STK32B: variants seen among roughly 807,000 people sequenced by gnomAD.
STK32B encodes the protein serine/threonine kinase 32B.
STK32B carries 43 observed loss-of-function variants against 52.6 expected under a neutral mutation model. That is an observed-to-expected ratio of 0.82 (90% CI 0.64 to 1.05). The LOEUF (loss-of-function observed/expected upper bound fraction) is 1.05, where lower values mean the gene tolerates loss of function less well. STK32B is among the 50% of genes least tolerant of loss of function. The probability of loss-of-function intolerance (pLI) is 0.00; values close to 1 mark genes in which losing one functional copy is unlikely to be tolerated. For synonymous variants in STK32B, 238 were observed against 204.3 expected (o/e 1.17, Z -1.41); for missense variants, 621 against 534.6 (o/e 1.16, Z -1.59).
rs1020757377 is a variant in STK32B, at chr4:5,453,841, G to T, written c.667-2966G>T. On this transcript the variant is annotated intron_variant, in intron 7 of 11. Transcript: ENST00000282908. The surrounding 1 kb of genome is among the most constrained non-coding windows in gnomAD (Gnocchi z 4.0). ...AATCGCTTGAACCTGGCAGGTGGAGGTTGCAGTGAGCCGAGATCATACCAT... is the reference window on the plus strand; with the variant it reads ...AATCGCTTGAACCTGGCAGGTGGAGTTTGCAGTGAGCCGAGATCATACCAT... Among the ~76,000 whole-genome samples the T allele has an allele frequency of 2.0e-5, 3 of 152,058 alleles. No homozygotes were observed. The highest frequency in any genetic ancestry group is 7.2e-5 in the African/African-American group (3 of 41,390).
At chr4:5,317,270 A>T (rs1458117131) in intron 3 of STK32B, among the ~76,000 whole-genome samples, 42 of 29,360 alleles carry the variant, frequency 1.4e-3, no homozygotes, top group East Asian at 3.3e-3. Context: ...ACATATATAT[A>T]ATATATAACA....
At chr4:5,239,534 G>C (rs542347253) in intron 3 of STK32B, among the ~76,000 whole-genome samples, 1 of 152,202 alleles carries the variant, frequency 6.6e-6, no homozygotes, top group East Asian at 1.9e-4. Flanking sequence ...AAGCATGCGG[G>C]AGATGCTGGG....
At chr4:5,367,672 G>A (rs912038826) in intron 4 of STK32B, among the ~76,000 whole-genome samples, 3 of 152,080 alleles carry the variant, frequency 2.0e-5, no homozygotes, top group South Asian at 2.1e-4. Flanking sequence ...AAGAATGTGC[G>A]CATGGCCAGT....
intron 11 of STK32B, among the ~76,000 whole-genome samples, chr4:5,479,614 TG>T (rs1001519327): frequency 3.9e-5 from 6 of 152,144 alleles, no homozygotes; most frequent in Non-Finnish European, 8.8e-5. Context: ...TATTCCCAGA[TG>T]GGATGGGCTG....
chr4:5,313,232 T>C (rs1018320189), intron 3 of STK32B, among the ~76,000 whole-genome samples: 1 of 151,948 alleles, frequency 6.6e-6, no homozygotes, highest in African/African-American at 2.4e-5. Flanking sequence ...AGTTCGATAT[T>C]TTTAAGGCAG....
In STK32B at chr4:5,099,457, C is replaced by T. The variant is rs5855837; in HGVS notation, c.53-40448C>T. The stretch of plus-strand genomic sequence containing the variant: ...CTGTGTGTGTGTGTGTGTGCGCGCG[C>T]GCGTATGTGATGTGTTCACAACTAA... On this transcript the variant is annotated intron_variant, in intron 1 of 11. Transcript: ENST00000282908. 3.6e-3 allele frequency among the ~76,000 whole-genome samples: 524 copies of T among 146,266 alleles called. 8 individuals are homozygous for T. The highest frequency in any genetic ancestry group is 0.014 in the African/African-American group (506 of 37,472).
intron 2 of STK32B, among the ~76,000 whole-genome samples, chr4:5,166,120 G>C (rs573108032): frequency 2.8e-5 from 4 of 144,120 alleles, no homozygotes; most frequent in African/African-American, 9.7e-5. Context: ...GAGCTGAGTG[G>C]GGTCAATTTC....
At chr4:5,045,610 T>A in the STK32B span, among the ~76,000 whole-genome samples, 2 of 152,200 alleles carry the variant, frequency 1.3e-5, no homozygotes, top group Non-Finnish European at 2.9e-5. Flanking sequence ...TTGTAGTTCT[T>A]CTTGAAGAGA....
At chr4:5,222,700 CTTAA>C (rs1037087382) in intron 3 of STK32B, among the ~76,000 whole-genome samples, 1 of 152,108 alleles carries the variant, frequency 6.6e-6, no homozygotes, top group African/African-American at 2.4e-5. Flanking sequence ...GATAACTTCT[CTTAA>C]TTGATTATAA....
rs1018561787 is a variant in STK32B at position 5,396,259 on chromosome 4, G to C, written c.435-1948G>C. Among the ~76,000 whole-genome samples, 2 of 152,158 alleles carry C rather than the reference G, an allele frequency of 1.3e-5. No homozygotes were observed. The highest frequency in any genetic ancestry group is 2.9e-5 in the Non-Finnish European group (2 of 68,030). ...GTTCCAGCTCCAGGTGGCTCCAGGCGTTTCTGGTTCATGGCTGCATCACTC... is the reference window on the plus strand; with the variant it reads ...GTTCCAGCTCCAGGTGGCTCCAGGCCTTTCTGGTTCATGGCTGCATCACTC... On this transcript the variant is annotated intron_variant, in intron 4 of 11. Coordinates refer to ENST00000282908, the MANE Select transcript of STK32B (RefSeq NM_018401.3). The surrounding 1 kb of genome is among the most constrained non-coding windows in gnomAD (Gnocchi z 4.7).
At chr4:5,295,500 G>A (rs775008258) in intron 3 of STK32B, among the ~76,000 whole-genome samples, 22 of 152,088 alleles carry the variant, frequency 1.4e-4, no homozygotes, top group Non-Finnish European at 3.1e-4. Flanking sequence ...GTTTTGTCTT[G>A]GGAGGGTGTG....
chr4:5,225,235 T>C (rs1459700393), intron 3 of STK32B, among the ~76,000 whole-genome samples: 1 of 151,962 alleles, frequency 6.6e-6, no homozygotes, highest in East Asian at 1.9e-4. Flanking sequence ...CCTAGCTAGC[T>C]TGGCAAAACC....
chr4:5,064,864 T>C (rs1411732309), intron 1 of STK32B, among the ~76,000 whole-genome samples: 1 of 144,840 alleles, frequency 6.9e-6, no homozygotes, highest in Non-Finnish European at 1.5e-5. Flanking sequence ...AATTATATAA[T>C]ATATAAAAAT....
intron 2 of STK32B, among the ~76,000 whole-genome samples, chr4:5,142,048 G>C (rs1212792433): frequency 6.6e-6 from 1 of 152,136 alleles, no homozygotes; most frequent in African/African-American, 2.4e-5. Context: ...TCTTCAGCCT[G>C]TAGCTGGGAG....
chr4:5,383,981 A>T (rs1190235249), intron 4 of STK32B, among the ~76,000 whole-genome samples: 18 of 152,124 alleles, frequency 1.2e-4, no homozygotes, highest in Admixed American at 1.2e-3. Flanking sequence ...GGTGATAGGG[A>T]GCGCTGGGGA....
At chr4:5,069,040 T>C (rs1711596400) in intron 1 of STK32B, among the ~76,000 whole-genome samples, 1 of 152,144 alleles carries the variant, frequency 6.6e-6, no homozygotes, top group South Asian at 2.1e-4. Flanking sequence ...ACTTGTTCCA[T>C]GGATAATTTT....
chr4:5,413,540 G>A (rs1711888763), intron 5 of STK32B, among the ~76,000 whole-genome samples: 1 of 152,148 alleles, frequency 6.6e-6, no homozygotes, highest in African/African-American at 2.4e-5. Context: ...ATCATTTTGG[G>A]TAGCTCCTGA....
intron 3 of STK32B, among the ~76,000 whole-genome samples, chr4:5,315,681 T>TC (rs1560309418): frequency 9.2e-6 from 1 of 109,012 alleles, no homozygotes; most frequent in African/African-American, 5.6e-5. Flanking sequence ...TTTTTCTTTT[T>TC]CTTTTTTTTT....
At chr4:5,208,481 T>A (rs1166095559) in intron 3 of STK32B, among the ~76,000 whole-genome samples, 1 of 152,194 alleles carries the variant, frequency 6.6e-6, no homozygotes, top group Non-Finnish European at 1.5e-5. Context: ...TGGCATTTGA[T>A]CTTCACATTA....
Sources: gnomAD v4.1 joint callset for allele counts (sites outside exome capture counted in the v4.1 genomes callset) on GRCh38, gnomAD v4.1.1 for gene constraint, Gnocchi (gnomAD v3.1) non-coding constraint, MANE v1.5 for transcripts, NCBI Gene and HGNC (gene_info 2026-07-23, HGNC 2026-07-21) for gene names.